Variants in ANO3 observed in about 807,000 individuals in gnomAD.
ANO3 encodes anoctamin 3.
Under a neutral mutation model 144.8 loss-of-function variants are expected in ANO3, and 99 were observed. The ratio of observed to expected loss-of-function variants is 0.68; its 90% CI spans 0.58 to 0.81. The LOEUF is 0.81. Ranked by LOEUF, ANO3 falls within the 30% of genes least tolerant of loss-of-function variation. ANO3 has a pLI of 0.00. For missense variants in ANO3, 905 were observed against 1,202.2 expected (o/e 0.75, Z 3.66); for synonymous variants, 414 against 392.6 (o/e 1.05, Z -0.64).
At chr11:26,464,399 A>G (rs1859524176) in intron 4 of ANO3, among the ~76,000 whole-genome samples, 1 of 151,864 alleles carries the variant, frequency 6.6e-6, no homozygotes, top group Non-Finnish European at 1.5e-5. Context: ...AGGAGGAGTT[A>G]TAAGAGAAAT....
chr11:26,440,264 C>T (rs1858465246), intron 1 of ANO3, among the ~76,000 whole-genome samples: 2 of 151,984 alleles, frequency 1.3e-5, no homozygotes, highest in South Asian at 4.1e-4. Flanking sequence ...ATTATTCAGT[C>T]TCAGGTAATA....
exon 1 of ANO3, chr11:26,189,289 C>T: frequency 1.0e-6 from 1 of 985,322 alleles, no homozygotes; most frequent in Non-Finnish European, 1.2e-6. Context: ...TCTGGTGATT[C>T]TAGTCAACTG....
chr11:26,247,667 G>T (rs553029234), intron 1 of ANO3, among the ~76,000 whole-genome samples: 1 of 150,004 alleles, frequency 6.7e-6, no homozygotes, highest in African/African-American at 2.4e-5. Flanking sequence ...TATTTATTTT[G>T]AACAGATGAG....
chr11:26,339,705 G>A (rs979132682), intron 1 of ANO3, among the ~76,000 whole-genome samples: 5 of 152,198 alleles, frequency 3.3e-5, no homozygotes, highest in Middle Eastern at 3.4e-3. Context: ...TTCATTCACC[G>A]TATATCTGAA....
intron 1 of ANO3, among the ~76,000 whole-genome samples, chr11:26,207,627 A>T (rs964522045): frequency 6.6e-6 from 1 of 152,146 alleles, no homozygotes; most frequent in African/African-American, 2.4e-5. Flanking sequence ...AAAAAAAGAA[A>T]CTGAGGCACA....
chr11:26,237,632 G>A (rs1320244391), intron 1 of ANO3, among the ~76,000 whole-genome samples: 1 of 151,844 alleles, frequency 6.6e-6, no homozygotes, highest in East Asian at 1.9e-4. Flanking sequence ...ATAACAAAAT[G>A]ATGTTATTCT....
intron 1 of ANO3, among the ~76,000 whole-genome samples, chr11:26,207,088 A>G (rs925168757): frequency 6.6e-6 from 1 of 152,190 alleles, no homozygotes; most frequent in Non-Finnish European, 1.5e-5. Flanking sequence ...ACGAAGTTTC[A>G]GTTGTGCCAG....
chr11:26,459,609 CAT>C (rs369468330), intron 3 of ANO3, among the ~76,000 whole-genome samples: 35 of 149,412 alleles, frequency 2.3e-4, no homozygotes, highest in Admixed American at 4.0e-4. Context: ...CACACACATA[CAT>C]ATATATATAT....
chr11:26,429,146 C>T (rs1465758664), intron 1 of ANO3, among the ~76,000 whole-genome samples: 1 of 152,098 alleles, frequency 6.6e-6, no homozygotes, highest in African/African-American at 2.4e-5. Flanking sequence ...AACTCTACTA[C>T]CTAACTACCC....
intron 5 of ANO3, among the ~76,000 whole-genome samples, chr11:26,510,933 A>T (rs1467709939): frequency 6.6e-6 from 1 of 152,150 alleles, no homozygotes; most frequent in African/African-American, 2.4e-5. Context: ...TCACTCCCAA[A>T]TGGTGTCTTT....
At chr11:26,216,028 T>C (rs535793140) in intron 1 of ANO3, among the ~76,000 whole-genome samples, 18 of 152,136 alleles carry the variant, frequency 1.2e-4, no homozygotes, top group Non-Finnish European at 4.4e-5. Context: ...TCCATTCATT[T>C]CCAAATTTGC....
chr11:26,600,827 T>A (rs1851781937), intron 17 of ANO3, among the ~76,000 whole-genome samples: 1 of 152,158 alleles, frequency 6.6e-6, no homozygotes, highest in East Asian at 2.0e-4. Context: ...ATGTTTCAAC[T>A]GCTTATTTAA....
At chr11:26,560,958 A>G in intron 14 of ANO3, 1 of 1,121,736 alleles carries the variant, frequency 8.9e-7, no homozygotes, top group East Asian at 2.7e-5. Context: ...ATTCTCCTTG[A>G]CAAAATCCAC....
upstream of ANO3, among the ~76,000 whole-genome samples, chr11:26,330,039 A>G (rs972673746): frequency 6.6e-6 from 1 of 152,176 alleles, no homozygotes; most frequent in Non-Finnish European, 1.5e-5. Context: ...TTAAATTTCA[A>G]AAATATTTCT....
chr11:26,193,416 A>G (rs566646928), intron 1 of ANO3, among the ~76,000 whole-genome samples: 41 of 152,212 alleles, frequency 2.7e-4, no homozygotes, highest in African/African-American at 9.9e-4. Context: ...CTGGGATTAC[A>G]GGCGTCAGCC....
At chr11:26,214,720 A>G (rs553910719) in intron 1 of ANO3, among the ~76,000 whole-genome samples, 1 of 152,090 alleles carries the variant, frequency 6.6e-6, no homozygotes, top group African/African-American at 2.4e-5. Context: ...AGTACAAGGC[A>G]TTTTACATTC....
upstream of ANO3, among the ~76,000 whole-genome samples, chr11:26,308,191 GA>G (rs958799498): frequency 3.9e-5 from 6 of 152,112 alleles, no homozygotes; most frequent in Non-Finnish European, 7.4e-5. Context: ...TGTTAGACAA[GA>G]AAAAACAATG....
chr11:26,563,610 T>C (rs1402301300), intron 14 of ANO3, among the ~76,000 whole-genome samples: 3 of 151,942 alleles, frequency 2.0e-5, no homozygotes, highest in African/African-American at 4.8e-5. Context: ...TAAGATCTAA[T>C]ATCAGTGTTG....
At chr11:26,288,637 A>T (rs12276625) in intron 1 of ANO3, among the ~76,000 whole-genome samples, 7,348 of 152,100 alleles carry the variant, frequency 0.048, 571 homozygotes, top group African/African-American at 0.17. Flanking sequence ...ACTGGCCATT[A>T]TGTGTCTGGA....
Sources: allele counts gnomAD v4.1 joint callset (sites outside exome capture counted in the v4.1 genomes callset), GRCh38; gene constraint gnomAD v4.1.1; transcripts MANE v1.5; gene names NCBI Gene and HGNC (gene_info 2026-07-23, HGNC 2026-07-21).